CAD: variants seen among roughly 807,000 people sequenced by gnomAD.
CAD encodes the protein carbamoyl-phosphate synthetase 2, aspartate transcarbamylase, and dihydroorotase.
In CAD, 81 loss-of-function variants were observed where a neutral mutation model predicts 237.2. The ratio of observed to expected loss-of-function variants is 0.34; its 90% CI spans 0.29 to 0.41. The LOEUF (loss-of-function observed/expected upper bound fraction) is 0.41, where lower values mean the gene tolerates loss of function less well. Ranked by LOEUF, CAD falls within the 10% of genes least tolerant of loss-of-function variation. CAD has a pLI of 1.00. For missense variants in CAD, 2,181 were observed against 2,951.7 expected (o/e 0.74, Z 6.05); for synonymous variants, 1,196 against 1,162.8 (o/e 1.03, Z -0.58).
In CAD at chr2:27,235,192, G is replaced by A. The variant is rs758346025; in HGVS notation, c.3787-53G>A. 6.7e-7 allele frequency: 1 copy of A among 1,493,314 alleles called. No homozygotes were observed. The highest frequency in any genetic ancestry group is 9.1e-7 in the Non-Finnish European group (1 of 1,097,620). 92.5% of individuals were successfully genotyped at this position (1,493,314 alleles called of 1,614,324 possible). ...GTACTGTGTCCGTCTCTGCTGGTGA[G>A]GGAGGAGGTCCTCTCACACCTTGGC... On this transcript the variant is annotated intron_variant, in intron 23 of 43. Transcript: ENST00000264705. The surrounding 1 kb of genome is among the most constrained non-coding windows in gnomAD (Gnocchi z 5.2).
At chr2:27,223,493 G>C in intron 6 of CAD, 70 bp from the exon 7 acceptor site, 1 of 1,374,126 alleles carries the variant, frequency 7.3e-7, no homozygotes, top group Non-Finnish European at 1.0e-6. Context: ...AGATCGGTGA[G>C]AGCTGGGGTA....
In CAD at chr2:27,223,851, C is replaced by T. The variant is rs775277780; in HGVS notation, c.996-66C>T. ...GATCCGAGTCCCCTGTCCCACTACCCACCTCGAGGCTGCCAGTGTCATGCC... is the reference window on the plus strand; with the variant it reads ...GATCCGAGTCCCCTGTCCCACTACCTACCTCGAGGCTGCCAGTGTCATGCC... On this transcript the variant is annotated intron_variant, in intron 7 of 43. Transcript: ENST00000264705. 5 of 1,535,288 alleles carry T rather than the reference C, an allele frequency of 3.3e-6. No individual in the cohort carries two copies. In the Admixed American group the frequency reaches 8.4e-5, roughly 26 times the overall value.
At chr2:27,234,735 G>C in intron 23 of CAD, 50 bp downstream of exon 23, 1 of 1,548,480 alleles carries the variant, frequency 6.5e-7, no homozygotes, top group African/African-American at 1.4e-5. Context: ...GCGGGAGAGA[G>C]TTCACTCACC....
At chr2:27,222,156 G>C (rs1255458170) in intron 3 of CAD, 38 bp from the exon 4 acceptor site, 3 of 1,588,976 alleles carry the variant, frequency 1.9e-6, no homozygotes. Flanking sequence ...TGACTGAGTT[G>C]TAGGAATGTG....
chr2:27,220,383 C>T (rs1235279026), intron 2 of CAD, among the ~76,000 whole-genome samples: 2 of 152,058 alleles, frequency 1.3e-5, no homozygotes, highest in African/African-American at 4.8e-5. Context: ...CGCGGTAGCT[C>T]ATGACTTGTA....
At position 27,242,594 on chromosome 2, in the gene CAD, C is replaced by A. The variant is rs1248203638; in HGVS notation, c.6223-26C>A. 6.3e-7 allele frequency: 1 copy of A among 1,578,236 alleles called. No individual in the cohort carries two copies. On this transcript the variant is annotated intron_variant, in intron 40 of 43. Transcript: ENST00000264705. This position sits in a 1 kb window ranked among gnomAD's most constrained non-coding sequence, Gnocchi z 6.4. Reference sequence around the variant, plus strand: ...TCGGGGGGCACTCAGTCTGGGATCCCTGTGGTGACTGGATTCCTCTCCTAG... The same window carrying A: ...TCGGGGGGCACTCAGTCTGGGATCCATGTGGTGACTGGATTCCTCTCCTAG...
intron 2 of CAD, among the ~76,000 whole-genome samples, chr2:27,218,497 C>G (rs988693951): frequency 5.3e-5 from 8 of 151,972 alleles, no homozygotes; most frequent in Admixed American, 2.6e-4. Context: ...GGGAGCAGTG[C>G]TTTTTAGGAC....
rs781416309 is a variant in CAD, at chr2:27,224,378, C to G, written c.1142C>G (p.Pro381Arg). The change falls in exon 9 of 44, where the codon CCT becomes CGT. Residue 381 changes from proline (P) to arginine (R), a missense_variant. Physicochemically the swap from Pro to Arg is moderately radical, Grantham distance 103. Around this residue, in one of 12 missense-constraint regions of CAD, gnomAD observed 129 missense variants for 143.3 expected, o/e 0.90. Transcript: ENST00000264705. The stretch of plus-strand genomic sequence containing the variant: ...CGGCTGACTGAGCGCCTCTGTCCCC[C>G]TGGGATTCCCACTCCCGGCTCTGGA... ...RERLTERLCPPGIPTPGSGLP... is the reference protein window; with the variant it reads ...RERLTERLCPRGIPTPGSGLP... 3.1e-6 allele frequency: 5 copies of G among 1,614,136 alleles called. No homozygotes were observed. In the South Asian group the frequency reaches 3.3e-5, roughly 11 times the overall value.
At position 27,224,028 on chromosome 2, in the gene CAD, A is replaced by G. The variant is rs752721105; in HGVS notation, c.1107A>G (p.Thr369=). ...EATAGNPGGQ[T]VRERLTERLC... ...CAGCTGGGAACCCTGGGGGCCAGAC[A>G]GGTAAGATCCTGAGTAGAACTGGGT... The change falls in exon 8 of 44, where the codon ACA becomes ACG. Residue 369 remains threonine (T), a splice_region_variant and synonymous_variant. Transcript: ENST00000264705. 1.7e-5 allele frequency: 27 copies of G among 1,604,910 alleles called. No individual in the cohort carries two copies. Among genetic ancestry groups the G allele is most frequent in the Non-Finnish European group, 2.2e-5 (26 of 1,171,688 alleles).
chr2:27,232,244 G>A lies in CAD; in HGVS notation c.2645+20G>A, dbSNP rs1460090622. The A allele has an allele frequency of 6.2e-6, 10 of 1,611,894 alleles. No individual in the cohort carries two copies. The highest frequency in any genetic ancestry group is 8.5e-6 in the Non-Finnish European group (10 of 1,179,288). ...TCTGAGGTCAGAGGTGGCAATGAGA[G>A]CTTCCGGCTGGGAAATGTGGGGCAG... is the stretch of plus-strand genomic sequence containing the variant. On this transcript the variant is annotated intron_variant, in intron 17 of 43. Transcript: ENST00000264705. The surrounding 1 kb of genome is among the most constrained non-coding windows in gnomAD (Gnocchi z 4.1).
intron 31 of CAD, 76 bp downstream of exon 31, chr2:27,238,708 G>C: frequency 7.2e-7 from 1 of 1,394,482 alleles, no homozygotes; most frequent in South Asian, 1.3e-5. Flanking sequence ...TGGGAAGCAG[G>C]CCAGGCCTCA....
In CAD at chr2:27,233,719, G is replaced by A; in HGVS notation, c.3310G>A (p.Asp1104Asn). 1 of 1,614,180 alleles carries A rather than the reference G, an allele frequency of 6.2e-7. No individual in the cohort carries two copies. The highest frequency in any genetic ancestry group is 8.5e-7 in the Non-Finnish European group (1 of 1,180,040). Residue 1104 changes from aspartate (D) to asparagine (N), a missense_variant, in exon 21 of 44, where the codon GAT (aspartate) becomes AAT (asparagine). Physicochemically the swap from Asp to Asn is conservative, Grantham distance 23. Around this residue, in one of 12 missense-constraint regions of CAD, gnomAD observed 306 missense variants for 607.9 expected, o/e 0.50. Coordinates refer to ENST00000264705, the MANE Select transcript of CAD (RefSeq NM_004341.5). This position sits in a 1 kb window ranked among gnomAD's most constrained non-coding sequence, Gnocchi z 6.3. ...SGAAMNVAYT[D>N]GDLERFLSSA... ...TGCTGCTATGAATGTGGCCTACACGGATGGAGACCTGGAGCGCTTCCTGAG... is the reference window on the plus strand; with the variant it reads ...TGCTGCTATGAATGTGGCCTACACGAATGGAGACCTGGAGCGCTTCCTGAG...
rs1052721458 is a variant in CAD, at chr2:27,240,837, A to C, written c.5594-74A>C. 2.0e-6 allele frequency: 3 copies of C among 1,514,710 alleles called. No individual in the cohort carries two copies. Among genetic ancestry groups the C allele is most frequent in the Non-Finnish European group, 2.7e-6 (3 of 1,092,090 alleles). The allele number at this position is 1,514,710 out of a possible 1,614,324, so 93.8% of individuals were successfully genotyped here. On this transcript the variant is annotated intron_variant, in intron 35 of 43. Coordinates refer to ENST00000264705, the MANE Select transcript of CAD (RefSeq NM_004341.5). This position sits in a 1 kb window ranked among gnomAD's most constrained non-coding sequence, Gnocchi z 4.6. ...GTTTAACATATACACTGTGATTCAGAGTTCCTGGGAATATGGGGTTTCTTT... is the reference window on the plus strand; with the variant it reads ...GTTTAACATATACACTGTGATTCAGCGTTCCTGGGAATATGGGGTTTCTTT...
Position 27,223,046 on chromosome 2 carries a change from T to C in CAD, c.809+9T>C. 1 of 1,613,522 alleles carries C rather than the reference T, an allele frequency of 6.2e-7. No homozygotes were observed. The highest frequency in any genetic ancestry group is 8.5e-7 in the Non-Finnish European group (1 of 1,179,788). On this transcript the variant is annotated intron_variant, in intron 6 of 43. Coordinates refer to ENST00000264705, the MANE Select transcript of CAD (RefSeq NM_004341.5). ...AAGACTTACAAGATGAGGTGGGACT[T>C]GTGGGGAGCAGAAGGGGCCCATACT... is the stretch of plus-strand genomic sequence containing the variant.
chr2:27,235,899 C>G lies in CAD; in HGVS notation c.4074+259C>G, dbSNP rs1290439852. 6.2e-6 allele frequency: 3 copies of G among 484,354 alleles called. No homozygotes were observed. The highest frequency in any genetic ancestry group is 1.1e-5 in the Non-Finnish European group (3 of 273,214). The allele number at this position is 484,354 out of a possible 1,614,324, so 30.0% of individuals were successfully genotyped here. On this transcript the variant is annotated intron_variant, in intron 25 of 43. Coordinates refer to ENST00000264705, the MANE Select transcript of CAD (RefSeq NM_004341.5). The surrounding 1 kb of genome is among the most constrained non-coding windows in gnomAD (Gnocchi z 5.2). ...AAAAAAAAAAAAAACAAAGAATTAT[C>G]TCCTATTCCCCTGCTTTTATTATTA...
At chr2:27,234,357 G>A in intron 22 of CAD, 131 bp downstream of exon 22, 4 of 1,133,852 alleles carry the variant, frequency 3.5e-6, no homozygotes, top group Non-Finnish European at 5.3e-6. Context: ...GGAAAGGGCT[G>A]TAGCTAGAGC....
chr2:27,225,577 G>T, intron 11 of CAD, 128 bp from the exon 12 acceptor site: 1 of 640,774 alleles, frequency 1.6e-6, no homozygotes, highest in Non-Finnish European at 2.6e-6. Flanking sequence ...CTCCCAAATT[G>T]CTGGGGTTAC....
rs761787690 is a variant in CAD, at chr2:27,239,331, G to A, written c.5254G>A (p.Val1752Met). ...LPPQEDTYVE[V>M]DLEHEWTIPS... Reference sequence around the variant, plus strand: ...AGCATAACCCATGTCCTCTGGGCAGGTGGATCTGGAGCATGAGTGGACAAT... The same window carrying A: ...AGCATAACCCATGTCCTCTGGGCAGATGGATCTGGAGCATGAGTGGACAAT... Residue 1752 changes from valine to methionine, a missense_variant and splice_region_variant, in exon 33 of 44, where the codon GTG (valine) becomes ATG (methionine). Physicochemically the swap from Val to Met is conservative, Grantham distance 21. Around this residue, in one of 12 missense-constraint regions of CAD, gnomAD observed 478 missense variants for 515.0 expected, o/e 0.93. Transcript: ENST00000264705. The surrounding 1 kb of genome is among the most constrained non-coding windows in gnomAD (Gnocchi z 4.0). The A allele has an allele frequency of 1.2e-6, 2 of 1,613,010 alleles. No homozygotes were observed. The highest frequency in any genetic ancestry group is 1.7e-6 in the Non-Finnish European group (2 of 1,179,190).
chr2:27,225,951 C>T (rs768589096), intron 12 of CAD, 25 bp downstream of exon 12: 14 of 1,600,820 alleles, frequency 8.7e-6, no homozygotes, highest in African/African-American at 1.3e-5. Flanking sequence ...GAAGGGTGGG[C>T]GTCGTGTCAG....
Sources: gnomAD v4.1 joint callset for allele counts (sites outside exome capture counted in the v4.1 genomes callset) on GRCh38, gnomAD v4.1.1 for gene constraint, gnomAD v4.1.1 regional missense constraint, Gnocchi (gnomAD v3.1) non-coding constraint, MANE v1.5 for transcripts, NCBI Gene and HGNC (gene_info 2026-07-23, HGNC 2026-07-21) for gene names.